HSPA12B: variants seen among roughly 807,000 people sequenced by gnomAD.
HSPA12B encodes heat shock 70 kDa protein 12B.
A neutral mutation model predicts 69.3 loss-of-function variants in HSPA12B; 54 were observed. That is an observed-to-expected ratio of 0.78 (90% CI 0.63 to 0.98). The LOEUF (loss-of-function observed/expected upper bound fraction) is 0.98. HSPA12B is among the 50% of genes least tolerant of loss of function. The pLI is 0.00. For synonymous variants in HSPA12B, 441 were observed against 436.5 expected, an observed-to-expected ratio of 1.01 and a Z score of -0.13; for missense variants, 929 against 999.8, an observed-to-expected ratio of 0.93 and a Z score of 0.96.
In HSPA12B at chr20:3,745,895, A is replaced by G. The variant is rs2146577206; in HGVS notation, c.559-20A>G. 6.2e-7 allele frequency: 1 copy of G among 1,605,782 alleles called. No individual in the cohort carries two copies. The highest frequency in any genetic ancestry group is 1.7e-4 in the Middle Eastern group (1 of 6,048). ...CTCCCTCCAAGCCAGCTTTCCTCTC[A>G]CTGCCCCCTCCTGTACCAGGAGCTG... is the stretch of plus-strand genomic sequence containing the variant. On this transcript the variant is annotated intron_variant, in intron 6 of 12. Coordinates refer to ENST00000254963, the MANE Select transcript of HSPA12B (RefSeq NM_052970.5). The surrounding 1 kb of genome is among the most constrained non-coding windows in gnomAD (Gnocchi z 5.6).
At chr20:3,735,444 T>G (rs1434196410) in intron 1 of HSPA12B, among the ~76,000 whole-genome samples, 2 of 150,068 alleles carry the variant, frequency 1.3e-5, no homozygotes, top group Non-Finnish European at 3.0e-5. Flanking sequence ...TGGAATCCAG[T>G]GTAGAGCGAG....
chr20:3,741,019 G>GGGTA lies in HSPA12B; in HGVS notation c.141+109_141+112dup, dbSNP rs201359173. 2.8e-3 allele frequency: 2,399 copies of GGGTA among 845,804 alleles called. 33 individuals are homozygous for GGGTA. The African/African-American group carries it at 0.036, about 13-fold the overall frequency. The allele number at this position is 845,804 out of a possible 1,614,324, so 52.4% of individuals were successfully genotyped here. ...TCAGCTAGGAAGGAGGAGGGGATGG[G>GGGTA]GGTAGCACCATGCCTCTTGTCCCCG... is the stretch of plus-strand genomic sequence containing the variant. On this transcript the variant is annotated intron_variant, in intron 3 of 12. Transcript: ENST00000254963.
Position 3,749,939 on chromosome 20 carries a change from A to AC in HSPA12B, c.1043-29dup, listed in dbSNP as rs1483532782. On this transcript the variant is annotated intron_variant, in intron 10 of 12. Coordinates refer to ENST00000254963, the MANE Select transcript of HSPA12B (RefSeq NM_052970.5). This position sits in a 1 kb window ranked among gnomAD's most constrained non-coding sequence, Gnocchi z 5.5. ...CCCCCTGGCGGCCCGGCGAGCGCTG[A>AC]CGCCCTCTTCGCCCCCTGCTCCACC... The AC allele has an allele frequency of 6.5e-7, 1 of 1,550,000 alleles. No homozygotes were observed. The highest frequency in any genetic ancestry group is 1.9e-5 in the Admixed American group (1 of 51,472).
chr20:3,741,564 C>T (rs559923147), intron 3 of HSPA12B, among the ~76,000 whole-genome samples: 25 of 152,248 alleles, frequency 1.6e-4, no homozygotes, highest in Admixed American at 1.4e-3. Flanking sequence ...ACCTGGGAAG[C>T]GGAGGTTGCA....
intron 4 of HSPA12B, 52 bp downstream of exon 4, chr20:3,742,460 A>C: frequency 6.9e-7 from 1 of 1,441,634 alleles, no homozygotes; most frequent in Non-Finnish European, 9.7e-7. Flanking sequence ...GGAGTTCCTC[A>C]TACCTTGGTC....
chr20:3,743,352 TA>T (rs10716070), intron 4 of HSPA12B, among the ~76,000 whole-genome samples: 57,484 of 147,166 alleles, frequency 0.39, 11,442 homozygotes, highest in East Asian at 0.56. Context: ...CTGGCTAATT[TA>T]AAAAAAAAAA....
intron 1 of HSPA12B, among the ~76,000 whole-genome samples, chr20:3,733,144 G>A (rs1371954566): frequency 6.6e-6 from 1 of 152,170 alleles, no homozygotes; most frequent in African/African-American, 2.4e-5. Flanking sequence ...GTCTGAGGTG[G>A]AAACCTGGGA....
rs1428777289 is a variant in HSPA12B at position 3,751,498 on chromosome 20, T to C, written c.1406-13T>C. The C allele has an allele frequency of 7.1e-7, 1 of 1,404,436 alleles. No individual in the cohort carries two copies. The highest frequency in any genetic ancestry group is 9.3e-7 in the Non-Finnish European group (1 of 1,080,904). 87.0% of individuals were successfully genotyped at this position (1,404,436 alleles called of 1,614,324 possible). ...TGCCCCCTTCACCCGCGTCCCCCCG[T>C]CCTGTCCCGCAGAGGCCCTGCTGGC... On this transcript the variant is annotated splice_polypyrimidine_tract_variant and intron_variant, in intron 12 of 12. Coordinates refer to ENST00000254963, the MANE Select transcript of HSPA12B (RefSeq NM_052970.5).
chr20:3,750,794 CCA>C lies in HSPA12B; in HGVS notation c.1302-8_1302-7del, dbSNP rs1229698168. On this transcript the variant is annotated splice_region_variant and splice_polypyrimidine_tract_variant and intron_variant, in intron 11 of 12. Coordinates refer to ENST00000254963, the MANE Select transcript of HSPA12B (RefSeq NM_052970.5). ...GACCGATGGATATTTGCCCCTTTCA[CCA>C]CCAACAGCGTGAACTTCGTGAAGTG... is the stretch of plus-strand genomic sequence containing the variant. The C allele has an allele frequency of 1.9e-6, 3 of 1,613,622 alleles. No individual in the cohort carries two copies. Among genetic ancestry groups the C allele is most frequent in the Non-Finnish European group, 2.5e-6 (3 of 1,179,976 alleles).
chr20:3,742,188 G>A, intron 3 of HSPA12B, 96 bp from the exon 4 acceptor site: 1 of 1,541,586 alleles, frequency 6.5e-7, no homozygotes, highest in South Asian at 1.2e-5. Flanking sequence ...AGTCAGTGGA[G>A]GGGAGTGTCT....
At position 3,737,731 on chromosome 20, in the gene HSPA12B, G is replaced by A. The variant is rs891022577; in HGVS notation, c.-17-927G>A. Among the ~76,000 whole-genome samples the A allele has an allele frequency of 3.9e-5, 6 of 152,122 alleles. No homozygotes were observed. The highest frequency in any genetic ancestry group is 5.9e-5 in the Non-Finnish European group (4 of 68,012). ...CAAACAAACAACGAAGGCCAGGCAC[G>A]GTGGCTCATGCCTGTAATCCCAGCA... On this transcript the variant is annotated intron_variant, in intron 1 of 12. Coordinates refer to ENST00000254963, the MANE Select transcript of HSPA12B (RefSeq NM_052970.5). This position sits in a 1 kb window ranked among gnomAD's most constrained non-coding sequence, Gnocchi z 4.1.
At chr20:3,743,040 A>AT (rs35919024) in intron 4 of HSPA12B, among the ~76,000 whole-genome samples, 84 of 142,412 alleles carry the variant, frequency 5.9e-4, no homozygotes, top group African/African-American at 1.3e-3. Context: ...CACCCAGCTA[A>AT]TTTTTTTTTT....
Position 3,749,161 on chromosome 20 carries a change from G to A in HSPA12B, c.851-71G>A, listed in dbSNP as rs1429815834. On this transcript the variant is annotated intron_variant, in intron 8 of 12. Coordinates refer to ENST00000254963, the MANE Select transcript of HSPA12B (RefSeq NM_052970.5). This position sits in a 1 kb window ranked among gnomAD's most constrained non-coding sequence, Gnocchi z 5.5. ...GTGCCCATGGAGGTCCTGGGCAGGAGGATGGGAGTTGAACGCCATAGCTGG... is the reference window on the plus strand; with the variant it reads ...GTGCCCATGGAGGTCCTGGGCAGGAAGATGGGAGTTGAACGCCATAGCTGG... The A allele has an allele frequency of 1.5e-6, 2 of 1,358,636 alleles. No individual in the cohort carries two copies. The highest frequency in any genetic ancestry group is 1.9e-5 in the Admixed American group (1 of 52,778). The allele number at this position is 1,358,636 out of a possible 1,614,324, so 84.2% of individuals were successfully genotyped here.
intron 1 of HSPA12B, among the ~76,000 whole-genome samples, chr20:3,734,266 GC>G (rs991519019): frequency 6.6e-6 from 1 of 152,082 alleles, no homozygotes; most frequent in Non-Finnish European, 1.5e-5. Flanking sequence ...TTCCTGCTGG[GC>G]CACACCCTAT....
At chr20:3,743,748 C>T (rs2088248931) in intron 4 of HSPA12B, among the ~76,000 whole-genome samples, 1 of 139,938 alleles carries the variant, frequency 7.1e-6, no homozygotes, top group Admixed American at 7.1e-5. Flanking sequence ...TCTCATTTTT[C>T]ACTATTACAA....
chr20:3,733,351 G>A (rs1208173765), intron 1 of HSPA12B, among the ~76,000 whole-genome samples: 1 of 152,132 alleles, frequency 6.6e-6, no homozygotes, highest in Non-Finnish European at 1.5e-5. Flanking sequence ...AGGTTAGCGT[G>A]TGTTGATGAG....
Position 3,745,934 on chromosome 20 carries a change from C to A in HSPA12B, c.578C>A (p.Pro193Gln). Reference protein sequence around the residue: ...HALQELREQSPSLPEKDTVRW... With the variant: ...HALQELREQSQSLPEKDTVRW... ...TACCAGGAGCTGAGGGAGCAGAGCC[C>A]ATCGCTGCCAGAGAAGGACACTGTG... The change falls in exon 7 of 13, where the codon CCA becomes CAA. Residue 193 changes from proline (P) to glutamine (Q), a missense_variant. By Grantham distance (76) the Pro-to-Gln change is moderately conservative (BLOSUM62 -1). Around this residue, in one of 3 missense-constraint regions of HSPA12B, gnomAD observed 477 missense variants for 535.2 expected, o/e 0.89. Coordinates refer to ENST00000254963, the MANE Select transcript of HSPA12B (RefSeq NM_052970.5). This position sits in a 1 kb window ranked among gnomAD's most constrained non-coding sequence, Gnocchi z 5.6. The A allele has an allele frequency of 6.2e-7, 1 of 1,614,074 alleles. No individual in the cohort carries two copies. The highest frequency in any genetic ancestry group is 1.3e-5 in the African/African-American group (1 of 75,054).
In HSPA12B at chr20:3,750,584, C is replaced by T. The variant is rs2088399762; in HGVS notation, c.1302-220C>T. The T allele has an allele frequency of 3.5e-6, 3 of 857,772 alleles. No homozygotes were observed. In the South Asian group the frequency reaches 1.6e-4, roughly 46 times the overall value. 53.1% of individuals were successfully genotyped at this position (857,772 alleles called of 1,614,324 possible). On this transcript the variant is annotated intron_variant, in intron 11 of 12. Transcript: ENST00000254963. ...GGGAGGCCCCTCCCAGGACCTCGTA[C>T]CTGGAACCTGGAGCAGGCTGGCAAC...
rs574139076 is a variant in HSPA12B at position 3,746,372 on chromosome 20, G to T, written c.675+341G>T. On this transcript the variant is annotated intron_variant, in intron 7 of 12. Transcript: ENST00000254963. ...GGCTGGAGCGCAGTGGCGTGATCTC[G>T]GCTCACTGCAAGCTCTGCCTCCCAG... 3.1e-5 allele frequency among the ~76,000 whole-genome samples: 4 copies of T among 127,090 alleles called. No homozygotes were observed. The East Asian group carries it at 9.9e-4, about 31-fold the overall frequency. 83.4% of individuals were successfully genotyped at this position (127,090 alleles called of 152,430 possible). A position where few individuals can be genotyped will look rare whatever the true frequency, so the allele number is the denominator to read the frequency against.
Sources: gnomAD v4.1 joint callset for allele counts (sites outside exome capture counted in the v4.1 genomes callset) on GRCh38, gnomAD v4.1.1 for gene constraint, gnomAD v4.1.1 regional missense constraint, Gnocchi (gnomAD v3.1) non-coding constraint, MANE v1.5 for transcripts, NCBI Gene and HGNC (gene_info 2026-07-23, HGNC 2026-07-21) for gene names.